Variants in ERMP1 observed in about 807,000 individuals in gnomAD.
ERMP1 encodes endoplasmic reticulum metallopeptidase 1.
A neutral mutation model predicts 92.0 loss-of-function variants in ERMP1; 86 were observed. The ratio of observed to expected loss-of-function variants is 0.93; its 90% CI spans 0.79 to 1.12. The LOEUF is 1.12. ERMP1 is among the 50% of genes most tolerant of loss of function. ERMP1 has a pLI of 0.00. For synonymous variants in ERMP1, 530 were observed against 412.8 expected, an observed-to-expected ratio of 1.28 and a Z score of -3.44; for missense variants, 1,342 against 1,116.3, an observed-to-expected ratio of 1.20 and a Z score of -2.88.
intron 8 of ERMP1, among the ~76,000 whole-genome samples, chr9:5,809,026 C>T (rs1391877615): frequency 6.6e-5 from 10 of 151,126 alleles, no homozygotes; most frequent in Non-Finnish European, 1.3e-4. Context: ...GCCCATAGCC[C>T]TAATTTCTTT....
chr9:5,853,275 G>C (rs944428894), intron 6 of ERMP1, among the ~76,000 whole-genome samples: 1 of 152,206 alleles, frequency 6.6e-6, no homozygotes, highest in African/African-American at 2.4e-5. Flanking sequence ...GGCAGAAAAG[G>C]AAAGGGCAGA....
intron 2 of ERMP1, among the ~76,000 whole-genome samples, chr9:5,827,622 G>A (rs182851596): frequency 3.9e-4 from 60 of 152,256 alleles, no homozygotes; most frequent in African/African-American, 1.4e-3. Flanking sequence ...AGCACTTTGG[G>A]AGGCCAAGGC....
chr9:5,846,128 C>T (rs553883905), intron 6 of ERMP1, among the ~76,000 whole-genome samples: 4 of 152,308 alleles, frequency 2.6e-5, no homozygotes, highest in African/African-American at 9.6e-5. Flanking sequence ...CACTAGGTAA[C>T]CACACTTTGT....
chr9:5,807,519 G>T (rs960301499), intron 8 of ERMP1, among the ~76,000 whole-genome samples: 4 of 152,182 alleles, frequency 2.6e-5, no homozygotes, highest in Non-Finnish European at 5.9e-5. Flanking sequence ...GCCGAGGTGG[G>T]AGGATCACTT....
intron 6 of ERMP1, among the ~76,000 whole-genome samples, chr9:5,852,678 T>G (rs1830324930): frequency 3.3e-5 from 5 of 150,414 alleles, no homozygotes; most frequent in Admixed American, 1.3e-4. Flanking sequence ...AAAAAAAGAA[T>G]GTTTTAAGTG....
intron 13 of ERMP1, among the ~76,000 whole-genome samples, chr9:5,796,048 T>C (rs1421490991): frequency 6.6e-6 from 1 of 152,124 alleles, no homozygotes; most frequent in African/African-American, 2.4e-5. Flanking sequence ...ACAGAACTGA[T>C]GAAAGAAATC....
At chr9:5,793,364 AAG>A (rs755287810) in intron 13 of ERMP1, among the ~76,000 whole-genome samples, 3 of 152,146 alleles carry the variant, frequency 2.0e-5, no homozygotes, top group Admixed American at 1.3e-4. Flanking sequence ...AAGGCAGAAA[AAG>A]AGTGGAAGAC....
chr9:5,834,017 C>T (rs140112336), upstream of ERMP1, among the ~76,000 whole-genome samples: 7 of 152,300 alleles, frequency 4.6e-5, no homozygotes, highest in African/African-American at 1.2e-4. Context: ...TAGAGACCAA[C>T]TGGGAGAGCA....
At chr9:5,861,170 G>T (rs7026604) in intron 5 of ERMP1, among the ~76,000 whole-genome samples, 13,277 of 102,010 alleles carry the variant, frequency 0.13, 844 homozygotes, top group African/African-American at 0.23. Context: ...TGGCTTAGGG[G>T]GTGTGTGTGT....
At chr9:5,844,704 C>A (rs1830213822) in intron 6 of ERMP1, among the ~76,000 whole-genome samples, 1 of 152,200 alleles carries the variant, frequency 6.6e-6, no homozygotes. Flanking sequence ...CCTGGGCATA[C>A]CTCCTGCACC....
At chr9:5,838,067 C>T (rs1397373799), upstream of ERMP1, among the ~76,000 whole-genome samples, 2 of 151,978 alleles carry the variant, frequency 1.3e-5, no homozygotes, top group Non-Finnish European at 2.9e-5. Flanking sequence ...CACTGCCCTC[C>T]AGCCTGGATT....
At chr9:5,846,710 G>C (rs1586837684) in intron 6 of ERMP1, among the ~76,000 whole-genome samples, 1 of 152,160 alleles carries the variant, frequency 6.6e-6, no homozygotes, top group South Asian at 2.1e-4. Context: ...CTGGTCCATA[G>C]CTCAGGTACT....
At chr9:5,830,703 A>T in intron 2 of ERMP1, 24 bp downstream of exon 2, 2 of 1,574,108 alleles carry the variant, frequency 1.3e-6, no homozygotes, top group Non-Finnish European at 1.7e-6. Flanking sequence ...ACAAGTTCCA[A>T]ATGACTAAAA....
At chr9:5,809,832 G>T (rs1202838838) in intron 8 of ERMP1, among the ~76,000 whole-genome samples, 179 bp downstream of exon 8, 3 of 152,162 alleles carry the variant, frequency 2.0e-5, no homozygotes, top group African/African-American at 7.2e-5. Context: ...TGAATTTTGT[G>T]ACATTACCCT....
chr9:5,787,934 G>A (rs1056767790), intron 13 of ERMP1, among the ~76,000 whole-genome samples: 6 of 152,210 alleles, frequency 3.9e-5, no homozygotes, highest in East Asian at 1.9e-4. Context: ...GCAAAACTGC[G>A]AAGTGCTGTA....
At chr9:5,835,597 C>T (rs1038444140), upstream of ERMP1, among the ~76,000 whole-genome samples, 5 of 152,074 alleles carry the variant, frequency 3.3e-5, no homozygotes, top group Admixed American at 6.6e-5. Flanking sequence ...GAGGCAACGT[C>T]GAATAAGGCA....
At chr9:5,811,957 A>G (rs1208841661) in intron 6 of ERMP1, among the ~76,000 whole-genome samples, 168 bp downstream of exon 6, 1 of 152,192 alleles carries the variant, frequency 6.6e-6, no homozygotes, top group African/African-American at 2.4e-5. Flanking sequence ...GCTACACTAG[A>G]CTACAAGACT....
At chr9:5,824,092 G>A (rs1829644553) in intron 3 of ERMP1, 91 bp from the exon 4 acceptor site, 1 of 932,878 alleles carries the variant, frequency 1.1e-6, no homozygotes, top group South Asian at 1.5e-5. Flanking sequence ...CTACTTTGAT[G>A]AGGTAAGGAA....
At chr9:5,859,564 G>A (rs7041526) in exon 6 of ERMP1, among the ~76,000 whole-genome samples, 58,251 of 151,988 alleles carry the variant, frequency 0.38, 11,548 homozygotes, top group East Asian at 0.66. Flanking sequence ...GAGAAGTTCC[G>A]AGGCGAAGTT....
Sources: allele counts gnomAD v4.1 joint callset (sites outside exome capture counted in the v4.1 genomes callset), GRCh38; gene constraint gnomAD v4.1.1; transcripts MANE v1.5; gene names NCBI Gene and HGNC (gene_info 2026-07-23, HGNC 2026-07-21).